DPYSL3: variants seen among roughly 807,000 people sequenced by gnomAD.
DPYSL3 encodes the protein dihydropyrimidinase like 3.
DPYSL3 carries 16 observed loss-of-function variants against 66.1 expected under a neutral mutation model. The observed-to-expected ratio is 0.24, with a 90% CI of 0.16 to 0.37. The LOEUF is 0.37. DPYSL3 is among the 10% of genes least tolerant of loss of function. The pLI is 1.00. For synonymous variants in DPYSL3, 338 were observed against 345.1 expected (o/e 0.98, Z 0.23); for missense variants, 738 against 916.2 (o/e 0.81, Z 2.51).
In DPYSL3 at chr5:147,439,563, A is replaced by G. The variant is rs575519085; in HGVS notation, c.382-14600T>C. Among the ~76,000 whole-genome samples the G allele has an allele frequency of 2.6e-5, 4 of 152,300 alleles. No homozygotes were observed. In the East Asian group the frequency reaches 7.7e-4, roughly 29 times the overall value. ...TTTTAGTTGAGGTGTAATAGGAGAT[A>G]TTTGAGCAGGGGAGTGACTTGGTTT... On this transcript the variant is annotated intron_variant, in intron 1 of 13. Coordinates refer to ENST00000343218, the MANE Select transcript of DPYSL3 (RefSeq NM_001197294.2).
rs1322426088 is a variant in DPYSL3 at position 147,412,596 on chromosome 5, G to A, written c.963+12C>T. 6.2e-7 allele frequency: 1 copy of A among 1,609,262 alleles called. No individual in the cohort carries two copies. On this transcript the variant is annotated intron_variant, in intron 6 of 13. Coordinates refer to ENST00000343218, the MANE Select transcript of DPYSL3 (RefSeq NM_001197294.2). Reference sequence around the variant, plus strand: ...GACCCAAAGCACGCTCCAGGGAGCTGCACGGTGTTACCTGGGCAATGATAT... The same window carrying A: ...GACCCAAAGCACGCTCCAGGGAGCTACACGGTGTTACCTGGGCAATGATAT...
At chr5:147,502,453 C>G (rs1753625892) in intron 1 of DPYSL3, among the ~76,000 whole-genome samples, 1 of 151,940 alleles carries the variant, frequency 6.6e-6, no homozygotes, top group African/African-American at 2.4e-5. Context: ...GCAGTTTTCT[C>G]CAGAAGATGA....
At chr5:147,481,572 G>T (rs1279598766) in intron 1 of DPYSL3, among the ~76,000 whole-genome samples, 1 of 152,222 alleles carries the variant, frequency 6.6e-6, no homozygotes, top group Non-Finnish European at 1.5e-5. Context: ...GTTTGAATAT[G>T]TTCACCAGAA....
chr5:147,395,890 G>A (rs547350205), intron 12 of DPYSL3, among the ~76,000 whole-genome samples, 169 bp from the exon 13 acceptor site: 2 of 152,300 alleles, frequency 1.3e-5, no homozygotes, highest in African/African-American at 4.8e-5. Context: ...AAAGGAGGAT[G>A]TGATGATAGA....
chr5:147,397,550 C>T, intron 12 of DPYSL3, 116 bp downstream of exon 12: 1 of 1,131,620 alleles, frequency 8.8e-7, no homozygotes, highest in Middle Eastern at 2.5e-4. Context: ...AAGACTGTCA[C>T]TGAATTTCTC....
At chr5:147,431,764 C>T (rs555328462) in intron 1 of DPYSL3, among the ~76,000 whole-genome samples, 1 of 152,104 alleles carries the variant, frequency 6.6e-6, no homozygotes, top group African/African-American at 2.4e-5. Context: ...CCCTTTTAAA[C>T]CCAACCCCAC....
In DPYSL3 at chr5:147,480,144, G is replaced by A. The variant is rs1309434502; in HGVS notation, c.381+29334C>T. Among the ~76,000 whole-genome samples, 4 of 152,158 alleles carry A rather than the reference G, an allele frequency of 2.6e-5. No homozygotes were observed. In the South Asian group the frequency reaches 6.2e-4, roughly 24 times the overall value. ...AGAAGGCAGCACGTAGAGAATAAAA[G>A]GCGAAAGAAAGGACAACAGAATCTC... On this transcript the variant is annotated intron_variant, in intron 1 of 13. Coordinates refer to ENST00000343218, the MANE Select transcript of DPYSL3 (RefSeq NM_001197294.2).
chr5:147,490,101 C>T (rs1387719737), intron 1 of DPYSL3, among the ~76,000 whole-genome samples: 1 of 152,124 alleles, frequency 6.6e-6, no homozygotes, highest in African/African-American at 2.4e-5. Flanking sequence ...AGTAATGTTA[C>T]TTCTGATGCC....
rs902623921 is a variant in DPYSL3, at chr5:147,395,610, G to T, written c.1915C>A (p.Arg639=). The T allele has an allele frequency of 6.2e-7, 1 of 1,613,874 alleles. No individual in the cohort carries two copies. The highest frequency in any genetic ancestry group is 1.7e-5 in the Admixed American group (1 of 59,984). The part of the protein sequence containing the change: ...PAGSARGSPT[R]PNPPVRNLHQ... ...AGATTCCTCACAGGTGGGTTCGGCC[G>T]AGTAGGAGAGCCCCGAGCAGAGCCT... is the stretch of plus-strand genomic sequence containing the variant. Residue 639 remains arginine (R), a synonymous_variant, in exon 13 of 14, where the codon CGG becomes AGG. Coordinates refer to ENST00000343218, the MANE Select transcript of DPYSL3 (RefSeq NM_001197294.2).
chr5:147,430,927 C>G (rs1752303219), intron 1 of DPYSL3, among the ~76,000 whole-genome samples: 1 of 152,096 alleles, frequency 6.6e-6, no homozygotes, highest in African/African-American at 2.4e-5. Flanking sequence ...AACTATAATC[C>G]TATAAAGAGG....
chr5:147,410,868 G>A (rs936715176), intron 6 of DPYSL3, among the ~76,000 whole-genome samples: 2 of 152,110 alleles, frequency 1.3e-5, no homozygotes, highest in Non-Finnish European at 2.9e-5. Flanking sequence ...TCATCCAAAT[G>A]GAAAAATGCC....
chr5:147,484,753 C>T (rs1186011402), intron 1 of DPYSL3, among the ~76,000 whole-genome samples: 1 of 152,186 alleles, frequency 6.6e-6, no homozygotes, highest in East Asian at 1.9e-4. Context: ...CACCATGTCA[C>T]ACAAGACCAG....
At chr5:147,490,350 C>A (rs1307080809) in intron 1 of DPYSL3, among the ~76,000 whole-genome samples, 1 of 152,010 alleles carries the variant, frequency 6.6e-6, no homozygotes, top group African/African-American at 2.4e-5. Flanking sequence ...CACCTTCTTG[C>A]TTATAATAAC....
At chr5:147,471,601 A>G (rs926167985) in intron 1 of DPYSL3, among the ~76,000 whole-genome samples, 1 of 152,158 alleles carries the variant, frequency 6.6e-6, no homozygotes, top group African/African-American at 2.4e-5. Flanking sequence ...TACATAACCT[A>G]AACGTGGTGC....
intron 1 of DPYSL3, among the ~76,000 whole-genome samples, chr5:147,479,600 G>A (rs1278336823): frequency 6.6e-6 from 1 of 152,116 alleles, no homozygotes; most frequent in Non-Finnish European, 1.5e-5. Flanking sequence ...TCTAAGACAG[G>A]CATCTTATCT....
intron 3 of DPYSL3, among the ~76,000 whole-genome samples, chr5:147,416,130 G>C (rs1351572769): frequency 6.6e-6 from 1 of 152,104 alleles, no homozygotes; most frequent in Admixed American, 6.6e-5. Flanking sequence ...AGTGGGGTGG[G>C]AGTCAGGGTG....
chr5:147,410,610 G>A (rs566289242), intron 6 of DPYSL3, among the ~76,000 whole-genome samples: 3 of 152,142 alleles, frequency 2.0e-5, no homozygotes, highest in South Asian at 2.1e-4. Context: ...AAGGCTTGGC[G>A]TATAGTAGAT....
At chr5:147,484,291 C>A (rs1349242957) in intron 1 of DPYSL3, among the ~76,000 whole-genome samples, 1 of 152,224 alleles carries the variant, frequency 6.6e-6, no homozygotes, top group African/African-American at 2.4e-5. Context: ...GAGGGCTTTT[C>A]CCCTTCATAG....
chr5:147,509,997 C>T lies in DPYSL3; in HGVS notation c.-139G>A. On this transcript the variant is annotated 5_prime_UTR_variant, in exon 1 of 14. Coordinates refer to ENST00000343218, the MANE Select transcript of DPYSL3 (RefSeq NM_001197294.2). The surrounding 1 kb of genome is among the most constrained non-coding windows in gnomAD (Gnocchi z 5.3). ...TCGCGCCAGAGGCGGCAGTGCTGCT[C>T]CGATTCCTGCTTGTCCCTAGCGAGC... 7.5e-7 allele frequency: 1 copy of T among 1,328,972 alleles called. No individual in the cohort carries two copies. 82.3% of individuals were successfully genotyped at this position (1,328,972 alleles called of 1,614,324 possible). A position where few individuals can be genotyped will look rare whatever the true frequency, so the allele number is the denominator to read the frequency against.
Sources: allele counts gnomAD v4.1 joint callset (sites outside exome capture counted in the v4.1 genomes callset), GRCh38; gene constraint gnomAD v4.1.1; non-coding constraint Gnocchi (gnomAD v3.1); transcripts MANE v1.5; gene names NCBI Gene and HGNC (gene_info 2026-07-23, HGNC 2026-07-21).